The following PEX14 variants were observed in gnomAD, a reference collection of about 807,000 sequenced individuals.
PEX14 encodes the protein peroxisomal membrane protein PEX14.
PEX14 carries 15 observed loss-of-function variants against 49.5 expected under a neutral mutation model. The ratio of observed to expected loss-of-function variants is 0.30; its 90% CI spans 0.20 to 0.47. The LOEUF (loss-of-function observed/expected upper bound fraction) is 0.47. Among genes scored for constraint, PEX14 ranks in the 20% least tolerant of loss-of-function variants. PEX14 has a pLI of 1.00. For missense variants in PEX14, 398 were observed against 494.8 expected, an observed-to-expected ratio of 0.80 and a Z score of 1.86; for synonymous variants, 210 against 212.7, an observed-to-expected ratio of 0.99 and a Z score of 0.11.
At position 10,519,725 on chromosome 1, in the gene PEX14, G is replaced by A. The variant is rs555897197; in HGVS notation, c.85-16488G>A. 2.6e-5 allele frequency among the ~76,000 whole-genome samples: 4 copies of A among 152,370 alleles called. No individual in the cohort carries two copies. In the South Asian group the frequency reaches 8.3e-4, roughly 32 times the overall value. ...CTAACTTTTCTTTCCCTGGTGGAAA[G>A]AAGAATTCATTGTGAGAATATTCAT... On this transcript the variant is annotated intron_variant, in intron 2 of 8. Transcript: ENST00000356607.
rs935659234 is a variant in PEX14 at position 10,495,368 on chromosome 1, C to G, written c.84+47C>G. 3.3e-5 allele frequency: 49 copies of G among 1,473,092 alleles called. No homozygotes were observed. Among genetic ancestry groups the G allele is most frequent in the Non-Finnish European group, 4.5e-5 (48 of 1,055,546 alleles). 91.3% of individuals were successfully genotyped at this position (1,473,092 alleles called of 1,614,324 possible). A position where few individuals can be genotyped will look rare whatever the true frequency, so the allele number is the denominator to read the frequency against. ...TATCACTTTCTAGTAATTAAAATGCCACGCGAGTGAAAAGAAACCTTCTGT... is the reference window on the plus strand; with the variant it reads ...TATCACTTTCTAGTAATTAAAATGCGACGCGAGTGAAAAGAAACCTTCTGT... On this transcript the variant is annotated intron_variant, in intron 2 of 8. Transcript: ENST00000356607. This position sits in a 1 kb window ranked among gnomAD's most constrained non-coding sequence, Gnocchi z 4.2.
chr1:10,577,558 ATATATTTTTT>A (rs1640177992), intron 3 of PEX14, among the ~76,000 whole-genome samples: 1 of 5,270 alleles, frequency 1.9e-4, no homozygotes, highest in African/African-American at 3.9e-4. Flanking sequence ...ATATATATAT[ATATATTTTTT>A]TTTTTTTTTT....
intron 3 of PEX14, among the ~76,000 whole-genome samples, chr1:10,573,003 T>C (rs1465738837): frequency 6.6e-6 from 1 of 152,226 alleles, no homozygotes; most frequent in Non-Finnish European, 1.5e-5. Context: ...AAAAGGATAC[T>C]GTAGGCAATT....
chr1:10,619,713 C>A (rs1269011111), intron 5 of PEX14, among the ~76,000 whole-genome samples: 1 of 152,188 alleles, frequency 6.6e-6, no homozygotes, highest in African/African-American at 2.4e-5. Context: ...CCAGATTCTT[C>A]ATTTTTGATG....
chr1:10,607,425 A>G (rs1404563699), intron 4 of PEX14, among the ~76,000 whole-genome samples: 2 of 152,148 alleles, frequency 1.3e-5, no homozygotes, highest in East Asian at 3.9e-4. Flanking sequence ...TTGTTGGTTT[A>G]TATGTTAAGT....
intron 2 of PEX14, among the ~76,000 whole-genome samples, chr1:10,497,576 A>G (rs1422263022): frequency 6.6e-6 from 1 of 152,248 alleles, no homozygotes; most frequent in Non-Finnish European, 1.5e-5. Flanking sequence ...CAAACTGCAC[A>G]CGACTGTATG....
chr1:10,573,036 T>G (rs1640025106), intron 3 of PEX14, among the ~76,000 whole-genome samples: 1 of 152,228 alleles, frequency 6.6e-6, no homozygotes, highest in Non-Finnish European at 1.5e-5. Flanking sequence ...TACATATTTG[T>G]GTTTCTGAGC....
rs1308435174 is a variant in PEX14, at chr1:10,529,267, C to G, written c.85-6946C>G. On this transcript the variant is annotated intron_variant, in intron 2 of 8. Coordinates refer to ENST00000356607, the MANE Select transcript of PEX14 (RefSeq NM_004565.3). The surrounding 1 kb of genome is among the most constrained non-coding windows in gnomAD (Gnocchi z 4.2). The stretch of plus-strand genomic sequence containing the variant: ...CCAGGCCGGCGTGTACTCCACAGCT[C>G]CTTCTGTGGCGTGGTGACCGTCACC... Among the ~76,000 whole-genome samples the G allele has an allele frequency of 1.3e-5, 2 of 152,258 alleles. No individual in the cohort carries two copies. Among genetic ancestry groups the G allele is most frequent in the Non-Finnish European group, 2.9e-5 (2 of 68,050 alleles).
rs776806278 is a variant in PEX14 at position 10,629,561 on chromosome 1, G to A, written c.708G>A (p.Pro236=). The A allele has an allele frequency of 3.1e-6, 5 of 1,613,806 alleles. No individual in the cohort carries two copies. The highest frequency in any genetic ancestry group is 3.3e-5 in the Admixed American group (2 of 60,018). ...RRQFPPSPSA[P]KIPSWQIPVK... ...AGTTCCCTCCATCCCCATCAGCCCCGAAGATCCCCTCCTGGCAGATCCCAG... is the reference window on the plus strand; with the variant it reads ...AGTTCCCTCCATCCCCATCAGCCCCAAAGATCCCCTCCTGGCAGATCCCAG... The change falls in exon 9 of 9, where the codon CCG becomes CCA. Residue 236 remains proline (P), a synonymous_variant. Coordinates refer to ENST00000356607, the MANE Select transcript of PEX14 (RefSeq NM_004565.3). The surrounding 1 kb of genome is among the most constrained non-coding windows in gnomAD (Gnocchi z 8.5).
At position 10,604,447 on chromosome 1, in the gene PEX14, A is replaced by G. The variant is rs866548361; in HGVS notation, c.298+5081A>G. On this transcript the variant is annotated intron_variant, in intron 4 of 8. Transcript: ENST00000356607. ...AGCCTGGGCAACATAGTGAGATGCCATCTCTGTAAAAAAATTTAAAAAACA... is the reference window on the plus strand; with the variant it reads ...AGCCTGGGCAACATAGTGAGATGCCGTCTCTGTAAAAAAATTTAAAAAACA... Among the ~76,000 whole-genome samples, 8 of 152,222 alleles carry G rather than the reference A, an allele frequency of 5.3e-5. No homozygotes were observed. The South Asian group carries it at 1.7e-3, about 32-fold the overall frequency.
At chr1:10,506,296 G>A (rs1283374327) in intron 2 of PEX14, among the ~76,000 whole-genome samples, 1 of 152,040 alleles carries the variant, frequency 6.6e-6, no homozygotes, top group East Asian at 1.9e-4. Flanking sequence ...GTTTTTTTGA[G>A]ATGGAGTTTC....
chr1:10,550,536 G>A (rs1043821127), intron 3 of PEX14, among the ~76,000 whole-genome samples: 1 of 152,214 alleles, frequency 6.6e-6, no homozygotes, highest in African/African-American at 2.4e-5. Flanking sequence ...GAAGCTACTA[G>A]TAATACAGAT....
At chr1:10,557,417 C>G (rs756112715) in intron 3 of PEX14, among the ~76,000 whole-genome samples, 1 of 152,148 alleles carries the variant, frequency 6.6e-6, no homozygotes, top group East Asian at 1.9e-4. Flanking sequence ...GAAACCTCGT[C>G]TCTACTAAAA....
At chr1:10,522,569 G>C (rs1333013193) in intron 2 of PEX14, among the ~76,000 whole-genome samples, 1 of 152,202 alleles carries the variant, frequency 6.6e-6, no homozygotes, top group African/African-American at 2.4e-5. Flanking sequence ...ATCTTAGATT[G>C]CTACAGCACA....
intron 3 of PEX14, among the ~76,000 whole-genome samples, chr1:10,582,275 C>G (rs756809072): frequency 2.6e-5 from 4 of 151,946 alleles, no homozygotes; most frequent in Admixed American, 6.6e-5. Context: ...CACCAGTGTG[C>G]TTTATTCACA....
At chr1:10,518,949 A>AG (rs1292338729) in intron 2 of PEX14, among the ~76,000 whole-genome samples, 1 of 151,994 alleles carries the variant, frequency 6.6e-6, no homozygotes, top group Non-Finnish European at 1.5e-5. Context: ...AAAGTGAGGG[A>AG]GTGTGTTTCT....
At chr1:10,521,644 C>G (rs1353041826) in intron 2 of PEX14, among the ~76,000 whole-genome samples, 1 of 152,150 alleles carries the variant, frequency 6.6e-6, no homozygotes, top group Non-Finnish European at 1.5e-5. Context: ...AAGTTGGTGA[C>G]TGAGTTAGAA....
chr1:10,601,064 C>G (rs1400520059), intron 4 of PEX14, among the ~76,000 whole-genome samples: 1 of 152,132 alleles, frequency 6.6e-6, no homozygotes, highest in African/African-American at 2.4e-5. Flanking sequence ...GAGTTGGAGA[C>G]CAGCCTGGCC....
intron 2 of PEX14, among the ~76,000 whole-genome samples, chr1:10,507,090 C>T (rs1201595015): frequency 1.3e-5 from 2 of 152,172 alleles, no homozygotes; most frequent in Admixed American, 6.5e-5. Context: ...ATTTTGGTCT[C>T]GCTGTTGGTG....
Sources: allele counts gnomAD v4.1 joint callset (sites outside exome capture counted in the v4.1 genomes callset), GRCh38; gene constraint gnomAD v4.1.1; non-coding constraint Gnocchi (gnomAD v3.1); transcripts MANE v1.5; gene names NCBI Gene and HGNC (gene_info 2026-07-23, HGNC 2026-07-21).